The following RIMBP2 variants were observed in gnomAD, a reference collection of about 807,000 sequenced individuals.
RIMBP2 encodes RIMS binding protein 2.
In RIMBP2, 48 loss-of-function variants were observed where a neutral mutation model predicts 118.6. The observed-to-expected ratio is 0.40, with a 90% confidence interval of 0.32 to 0.51. The LOEUF (loss-of-function observed/expected upper bound fraction) is 0.51, where lower values mean the gene tolerates loss of function less well. Among genes scored for constraint, RIMBP2 ranks in the 20% least tolerant of loss-of-function variants. The pLI is 0.41. For synonymous variants in RIMBP2, 762 were observed against 742.9 expected, an observed-to-expected ratio of 1.03 and a Z score of -0.42; for missense variants, 1,551 against 1,768.3, an observed-to-expected ratio of 0.88 and a Z score of 2.20.
At chr12:130,656,439 T>C (rs754486777) in intron 1 of RIMBP2, among the ~76,000 whole-genome samples, 10 of 152,192 alleles carry the variant, frequency 6.6e-5, no homozygotes, top group Non-Finnish European at 1.3e-4. Context: ...AGTGCATTTG[T>C]GTCCTGAGGC....
At chr12:130,439,581 G>A (rs2077888438) in intron 11 of RIMBP2, among the ~76,000 whole-genome samples, 2 of 130,146 alleles carry the variant, frequency 1.5e-5, no homozygotes, top group South Asian at 2.6e-4. Flanking sequence ...GTGGGTCTGT[G>A]GGGGTATGTG....
At chr12:130,503,568 G>GA (rs1327666067) in intron 4 of RIMBP2, among the ~76,000 whole-genome samples, 2 of 152,130 alleles carry the variant, frequency 1.3e-5, no homozygotes, top group East Asian at 3.8e-4. Context: ...AAGAGACTTG[G>GA]AAAAATTGCT....
rs927190711 is a variant in RIMBP2 at position 130,479,085 on chromosome 12, G to A, written c.-3-69C>T. The A allele has an allele frequency of 3.1e-6, 4 of 1,286,654 alleles. No individual in the cohort carries two copies. The African/African-American group carries it at 5.9e-5, about 19-fold the overall frequency. 79.7% of individuals were successfully genotyped at this position (1,286,654 alleles called of 1,614,324 possible). A position where few individuals can be genotyped will look rare whatever the true frequency, so the allele number is the denominator to read the frequency against. Reference sequence around the variant, plus strand: ...CCCATGGGCGTGCATCCTATACCCTGCACCAAGCTGGCTCTGACTCAGCCC... The same window carrying A: ...CCCATGGGCGTGCATCCTATACCCTACACCAAGCTGGCTCTGACTCAGCCC... On this transcript the variant is annotated intron_variant, in intron 4 of 22. Coordinates refer to ENST00000690449, the MANE Select transcript of RIMBP2 (RefSeq NM_001393629.1).
chr12:130,467,960 G>C (rs2080647968), intron 6 of RIMBP2, among the ~76,000 whole-genome samples: 1 of 152,154 alleles, frequency 6.6e-6, no homozygotes, highest in Non-Finnish European at 1.5e-5. Context: ...ATGTGTTCTG[G>C]GGTGTATCCT....
At chr12:130,592,956 A>G (rs1466148754) in intron 2 of RIMBP2, among the ~76,000 whole-genome samples, 2 of 152,134 alleles carry the variant, frequency 1.3e-5, no homozygotes, top group Non-Finnish European at 2.9e-5. Flanking sequence ...ACCAGAGGAA[A>G]CGTCAGACCC....
In RIMBP2 at chr12:130,424,660, T is replaced by C; in HGVS notation, c.2611A>G (p.Arg871Gly). The C allele has an allele frequency of 8.1e-7, 1 of 1,231,768 alleles. No individual in the cohort carries two copies. The highest frequency in any genetic ancestry group is 1.0e-6 in the Non-Finnish European group (1 of 987,830). The allele number at this position is 1,231,768 out of a possible 1,614,324, so 76.3% of individuals were successfully genotyped here. The change falls in exon 16 of 23, where the codon AGG becomes GGG. Residue 871 changes from arginine to glycine, a missense_variant. Arg to Gly is a moderately radical substitution (Grantham distance 125, BLOSUM62 -2). Transcript: ENST00000690449. The surrounding 1 kb of genome is among the most constrained non-coding windows in gnomAD (Gnocchi z 9.8). ...GGGGCCTCGTCGCCCCTGTAGGGCC[T>C]GCCGGGCCTGGGCTCTCTGGCCAGC... ...TGLAREPRPGRPYRGDEAPRG... is the reference protein window; with the variant it reads ...TGLAREPRPGGPYRGDEAPRG...
At chr12:130,549,929 C>T (rs2055573423) in intron 2 of RIMBP2, among the ~76,000 whole-genome samples, 1 of 152,112 alleles carries the variant, frequency 6.6e-6, no homozygotes, top group African/African-American at 2.4e-5. Context: ...TGAGGAGTCG[C>T]CATACTGCTC....
In RIMBP2 at chr12:130,508,374, C is replaced by G. The variant is rs184925802; in HGVS notation, c.-126-1604G>C. The stretch of plus-strand genomic sequence containing the variant: ...CTCCTTGGTGGTCTAAAAGTCCTAC[C>G]CACCTGCTACCCTGTTGCCACTATG... On this transcript the variant is annotated intron_variant, in intron 3 of 22. Coordinates refer to ENST00000690449, the MANE Select transcript of RIMBP2 (RefSeq NM_001393629.1). Among the ~76,000 whole-genome samples, 251 of 151,924 alleles carry G rather than the reference C, an allele frequency of 1.7e-3. 1 individual carries two copies. Among genetic ancestry groups the G allele is most frequent in the Non-Finnish European group, 2.9e-3 (196 of 67,980 alleles).
At chr12:130,649,913 C>G (rs1482058221) in intron 1 of RIMBP2, among the ~76,000 whole-genome samples, 2 of 152,114 alleles carry the variant, frequency 1.3e-5, no homozygotes, top group Admixed American at 6.5e-5. Context: ...TCCCTTCAAC[C>G]CATAGGCTCA....
intron 2 of RIMBP2, among the ~76,000 whole-genome samples, chr12:130,609,772 G>A (rs2060398706): frequency 1.3e-5 from 2 of 152,260 alleles, no homozygotes; most frequent in African/African-American, 4.8e-5. Context: ...TCTGGGAAGT[G>A]GGGGTAGGGC....
At chr12:130,705,702 C>T (rs1208289317) in intron 1 of RIMBP2, among the ~76,000 whole-genome samples, 1 of 152,238 alleles carries the variant, frequency 6.6e-6, no homozygotes, top group Non-Finnish European at 1.5e-5. Flanking sequence ...CAGGAGTGAA[C>T]TGCTGCAGGG....
chr12:130,573,887 C>T (rs1006946020), intron 2 of RIMBP2, among the ~76,000 whole-genome samples: 1 of 152,152 alleles, frequency 6.6e-6, no homozygotes, highest in African/African-American at 2.4e-5. Flanking sequence ...TGCTCCCCTC[C>T]AGCTCACTTT....
At chr12:130,466,802 C>A (rs1422931174) in intron 6 of RIMBP2, among the ~76,000 whole-genome samples, 5 of 152,200 alleles carry the variant, frequency 3.3e-5, no homozygotes, top group Non-Finnish European at 4.4e-5. Flanking sequence ...AGCTCCTAAC[C>A]CTCTGCTCAC....
At chr12:130,615,276 C>CAT (rs202186208) in intron 2 of RIMBP2, among the ~76,000 whole-genome samples, 1,287 of 100,198 alleles carry the variant, frequency 0.013, 52 homozygotes, top group South Asian at 0.039. Flanking sequence ...AATACACATA[C>CAT]ATATATATAT....
chr12:130,510,467 T>C (rs1593586851), intron 3 of RIMBP2, among the ~76,000 whole-genome samples: 2 of 152,128 alleles, frequency 1.3e-5, no homozygotes, highest in South Asian at 4.2e-4. Context: ...GCCAATGACA[T>C]TTACTCTTTC....
chr12:130,533,742 A>C (rs551932133), intron 2 of RIMBP2, among the ~76,000 whole-genome samples: 1 of 152,332 alleles, frequency 6.6e-6, no homozygotes, highest in African/African-American at 2.4e-5. Context: ...AAAGAATGAA[A>C]TTATGTCTTT....
chr12:130,447,302 T>A lies in RIMBP2; in HGVS notation c.582-2033A>T, dbSNP rs763292037. On this transcript the variant is annotated intron_variant, in intron 9 of 22. Coordinates refer to ENST00000690449, the MANE Select transcript of RIMBP2 (RefSeq NM_001393629.1). The surrounding 1 kb of genome is among the most constrained non-coding windows in gnomAD (Gnocchi z 4.4). ...AAGGGCACGGAGAAGAAGTGGGAGATCCTACGGCTGTCGTGACAACCTCGT... is the reference window on the plus strand; with the variant it reads ...AAGGGCACGGAGAAGAAGTGGGAGAACCTACGGCTGTCGTGACAACCTCGT... 9.3e-5 allele frequency among the ~76,000 whole-genome samples: 14 copies of A among 150,588 alleles called. No individual in the cohort carries two copies. Among genetic ancestry groups the A allele is most frequent in the South Asian group, 8.4e-4 (4 of 4,756 alleles).
At chr12:130,686,192 C>T (rs1344447789) in intron 1 of RIMBP2, among the ~76,000 whole-genome samples, 1 of 152,186 alleles carries the variant, frequency 6.6e-6, no homozygotes, top group Non-Finnish European at 1.5e-5. Flanking sequence ...CCCTTCCTGC[C>T]GCCATAGGGA....
At chr12:130,418,662 AG>A (rs1364861749) in intron 17 of RIMBP2, among the ~76,000 whole-genome samples, 1 of 152,214 alleles carries the variant, frequency 6.6e-6, no homozygotes, top group Non-Finnish European at 1.5e-5. Flanking sequence ...CAAAACGTGC[AG>A]AGGGGTCAGG....
Sources: gnomAD v4.1 joint callset for allele counts (sites outside exome capture counted in the v4.1 genomes callset) on GRCh38, gnomAD v4.1.1 for gene constraint, Gnocchi (gnomAD v3.1) non-coding constraint, MANE v1.5 for transcripts, NCBI Gene and HGNC (gene_info 2026-07-23, HGNC 2026-07-21) for gene names.